ACTR3C: variants seen among roughly 807,000 people sequenced by gnomAD.
ACTR3C encodes actin-related protein 3C.
Under a neutral mutation model 26.3 loss-of-function variants are expected in ACTR3C, and 18 were observed. That is an observed-to-expected ratio of 0.68 (90% CI 0.47 to 1.01). The LOEUF (loss-of-function observed/expected upper bound fraction) is 1.01. ACTR3C is among the 50% of genes least tolerant of loss of function. The probability of loss-of-function intolerance (pLI) is 0.00; values close to 1 mark genes in which losing one functional copy is unlikely to be tolerated. For synonymous variants in ACTR3C, 55 were observed against 94.5 expected, an observed-to-expected ratio of 0.58 and a Z score of 2.42; for missense variants, 184 against 250.7, an observed-to-expected ratio of 0.73 and a Z score of 1.80.
chr7:150,120,737 G>C, the ACTR3C span, among the ~76,000 whole-genome samples: 1 of 152,060 alleles, frequency 6.6e-6, no homozygotes, highest in African/African-American at 2.4e-5. Flanking sequence ...ACTCATTTTT[G>C]AGGCCAGCAT....
At chr7:150,191,874 C>G in the ACTR3C span, among the ~76,000 whole-genome samples, 72 of 152,264 alleles carry the variant, frequency 4.7e-4, no homozygotes, top group African/African-American at 1.4e-3. Context: ...TTATAGAAAC[C>G]CTTCATCAAG....
the ACTR3C span, among the ~76,000 whole-genome samples, chr7:149,960,795 G>A: frequency 1.3e-5 from 2 of 152,200 alleles, no homozygotes; most frequent in Admixed American, 6.5e-5. Context: ...GTCTCAGAAA[G>A]CAACATCTTC....
At chr7:150,216,994 A>G in the ACTR3C span, among the ~76,000 whole-genome samples, 1 of 148,180 alleles carries the variant, frequency 6.7e-6, no homozygotes, top group Non-Finnish European at 1.5e-5. Flanking sequence ...CAAAAAAAAA[A>G]AAAAAGAGGC....
the ACTR3C span, among the ~76,000 whole-genome samples, chr7:150,038,808 C>G: frequency 0.024 from 2,388 of 98,284 alleles, 7 homozygotes; most frequent in African/African-American, 0.027. Context: ...CGGGGGGTGC[C>G]TCCCCCCTCT....
intron 1 of ACTR3C, among the ~76,000 whole-genome samples, chr7:150,310,378 T>A (rs895424097): frequency 1.8e-4 from 28 of 152,310 alleles, no homozygotes; most frequent in African/African-American, 6.5e-4. Context: ...TGAAGCCTAT[T>A]ATCACTTGCC....
At chr7:150,183,696 CAAAAAAAAAAAA>C in the ACTR3C span, among the ~76,000 whole-genome samples, 867 of 48,066 alleles carry the variant, frequency 0.018, 83 homozygotes, top group African/African-American at 0.058. Flanking sequence ...GTGGCTATGG[CAAAAAAAAAAAA>C]AAAAAAAAAA....
the ACTR3C span, among the ~76,000 whole-genome samples, chr7:149,999,447 G>A: frequency 1.3e-5 from 2 of 150,452 alleles, no homozygotes; most frequent in African/African-American, 4.9e-5. Flanking sequence ...TAGAGGCCTC[G>A]GAACAAGCGA....
chr7:150,267,639 T>C (rs376353257), intron 6 of ACTR3C, among the ~76,000 whole-genome samples: 1 of 152,210 alleles, frequency 6.6e-6, no homozygotes, highest in Admixed American at 6.5e-5. Flanking sequence ...TCTCTTACTG[T>C]GCCTAATTTA....
chr7:150,097,354 T>C, the ACTR3C span, among the ~76,000 whole-genome samples: 1 of 151,760 alleles, frequency 6.6e-6, no homozygotes, highest in Non-Finnish European at 1.5e-5. Context: ...TCATTTTTTT[T>C]CCTTCCATCC....
chr7:149,899,843 AAAAC>A, the ACTR3C span, among the ~76,000 whole-genome samples: 1 of 145,042 alleles, frequency 6.9e-6, no homozygotes, highest in Non-Finnish European at 1.5e-5. Flanking sequence ...GAAACAAAAC[AAAAC>A]AAAAAAAATC....
chr7:150,207,213 C>A, the ACTR3C span, among the ~76,000 whole-genome samples: 1 of 152,288 alleles, frequency 6.6e-6, no homozygotes, highest in African/African-American at 2.4e-5. Context: ...TTATCTTTGG[C>A]AAGCCTTTCC....
chr7:150,171,322 G>C, the ACTR3C span, among the ~76,000 whole-genome samples: 1 of 149,804 alleles, frequency 6.7e-6, no homozygotes, highest in Non-Finnish European at 1.5e-5. Flanking sequence ...AAGATCGCTG[G>C]AATATATCCA....
the ACTR3C span, among the ~76,000 whole-genome samples, chr7:150,231,838 A>C: frequency 9.2e-5 from 14 of 152,106 alleles, no homozygotes; most frequent in East Asian, 2.5e-3. Flanking sequence ...AACATATGTT[A>C]TGCTGTTTGT....
At chr7:150,129,214 C>G in the ACTR3C span, among the ~76,000 whole-genome samples, 5 of 152,048 alleles carry the variant, frequency 3.3e-5, no homozygotes, top group African/African-American at 1.2e-4. Flanking sequence ...TTTCCATAAC[C>G]CAGGAACTCT....
the ACTR3C span, among the ~76,000 whole-genome samples, chr7:150,054,356 T>C: frequency 6.6e-6 from 1 of 152,196 alleles, no homozygotes; most frequent in South Asian, 2.1e-4. Context: ...ACCCTGACTT[T>C]GAGACTGGTC....
chr7:150,042,301 AG>A, the ACTR3C span, among the ~76,000 whole-genome samples: 5 of 40,940 alleles, frequency 1.2e-4, no homozygotes, highest in Non-Finnish European at 1.8e-4. Context: ...CCCCAGAGCC[AG>A]GGGGGGAAGA....
At chr7:150,156,722 C>T in the ACTR3C span, among the ~76,000 whole-genome samples, 36 of 152,264 alleles carry the variant, frequency 2.4e-4, no homozygotes, top group Non-Finnish European at 3.7e-4. Context: ...TGACTCTTCC[C>T]TCCTCTAATT....
the ACTR3C span, among the ~76,000 whole-genome samples, chr7:150,026,902 A>T: frequency 6.6e-6 from 1 of 152,196 alleles, no homozygotes; most frequent in Non-Finnish European, 1.5e-5. Context: ...AAAATGAACA[A>T]AAATGTCATA....
At chr7:149,914,872 A>C in the ACTR3C span, among the ~76,000 whole-genome samples, 1 of 124,880 alleles carries the variant, frequency 8.0e-6, no homozygotes, top group East Asian at 2.4e-4. Flanking sequence ...GAGGAGATTA[A>C]AATTTAATTC....
Sources: allele counts gnomAD v4.1 joint callset (sites outside exome capture counted in the v4.1 genomes callset), GRCh38; gene constraint gnomAD v4.1.1; transcripts MANE v1.5; gene names NCBI Gene and HGNC (gene_info 2026-07-23, HGNC 2026-07-21).